KLHL5: variants seen among roughly 807,000 people sequenced by gnomAD.
The protein encoded by KLHL5 is kelch like family member 5.
A neutral mutation model predicts 77.7 loss-of-function variants in KLHL5; 48 were observed. That is an observed-to-expected ratio of 0.62 (90% CI 0.49 to 0.79). The LOEUF (loss-of-function observed/expected upper bound fraction) is 0.79, where lower values mean the gene tolerates loss of function less well. Among genes scored for constraint, KLHL5 ranks in the 30% least tolerant of loss-of-function variants. The pLI, the probability that KLHL5 is intolerant of heterozygous loss-of-function variation, is 0.00. For missense variants in KLHL5, 723 were observed against 859.7 expected (o/e 0.84, Z 1.99); for synonymous variants, 260 against 297.0 (o/e 0.88, Z 1.28).
In KLHL5 at chr4:39,123,556, CAAAT is replaced by C. The variant is rs1723347408; in HGVS notation, c.*2491_*2494del. 6.6e-6 allele frequency among the ~76,000 whole-genome samples: 1 copy of C among 152,076 alleles called. No homozygotes were observed. Among genetic ancestry groups the C allele is most frequent in the African/African-American group, 2.4e-5 (1 of 41,400 alleles). On this transcript the variant is annotated 3_prime_UTR_variant, in exon 11 of 11. Transcript: ENST00000504108. ...AGAAATGCAGGGATGGTTCTACATA[CAAAT>C]GTCAATCGATGTAATAATATACCAT... is the stretch of plus-strand genomic sequence containing the variant.
At chr4:39,075,280 G>A (rs1407317142) in intron 1 of KLHL5, among the ~76,000 whole-genome samples, 2 of 151,204 alleles carry the variant, frequency 1.3e-5, no homozygotes, top group South Asian at 2.1e-4. Context: ...GTGGTGAGAC[G>A]AGATCGCGCC....
intron 1 of KLHL5, among the ~76,000 whole-genome samples, chr4:39,073,292 TATA>T (rs1325618898): frequency 6.6e-6 from 1 of 152,182 alleles, no homozygotes; most frequent in East Asian, 1.9e-4. Context: ...AGAAGTAGCC[TATA>T]ATAACAGTGA....
At chr4:39,068,113 C>A (rs935135874) in intron 1 of KLHL5, among the ~76,000 whole-genome samples, 2 of 152,124 alleles carry the variant, frequency 1.3e-5, no homozygotes, top group African/African-American at 4.8e-5. Flanking sequence ...ATCCTGAAGG[C>A]ATAGGTCCTC....
chr4:39,119,340 A>T (rs1723058420), intron 10 of KLHL5, among the ~76,000 whole-genome samples: 2 of 152,158 alleles, frequency 1.3e-5, no homozygotes, highest in Non-Finnish European at 2.9e-5. Flanking sequence ...TAATCCCGGC[A>T]CTTTGGGAGG....
In KLHL5 at chr4:39,113,185, T is replaced by C. The variant is rs1298357998; in HGVS notation, c.1854T>C (p.Asp618=). ...TGCTGTATGCTATAGGGGGGCACGA[T>C]GCTCCCGCATCCAACTTGACTTCCA... ...NGLLYAIGGH[D]APASNLTSRL... The change falls in exon 9 of 11, where the codon GAT becomes GAC. Residue 618 remains aspartate, a synonymous_variant. Transcript: ENST00000504108. 3 of 1,613,984 alleles carry C rather than the reference T, an allele frequency of 1.9e-6. No homozygotes were observed. Among genetic ancestry groups the C allele is most frequent in the South Asian group, 2.2e-5 (2 of 91,084 alleles).
chr4:39,064,341 A>G (rs953099769), intron 1 of KLHL5, among the ~76,000 whole-genome samples: 1 of 152,078 alleles, frequency 6.6e-6, no homozygotes, highest in Non-Finnish European at 1.5e-5. Context: ...TTTAATTTGG[A>G]GATCAATTGA....
chr4:39,136,730 C>T, the KLHL5 span, among the ~76,000 whole-genome samples: 1 of 152,136 alleles, frequency 6.6e-6, no homozygotes, highest in African/African-American at 2.4e-5. Flanking sequence ...CAGCCCAGCA[C>T]CTGGGGGATT....
chr4:39,093,568 A>C (rs1252885780), intron 5 of KLHL5: 3 of 372,568 alleles, frequency 8.1e-6, no homozygotes, highest in Non-Finnish European at 1.6e-5. Flanking sequence ...ATACACTCTG[A>C]CCAGAAAGGT....
intron 1 of KLHL5, 45 bp downstream of exon 1, chr4:39,063,080 C>A: frequency 7.1e-7 from 1 of 1,406,092 alleles, no homozygotes. Flanking sequence ...GGGGGTATGG[C>A]TCTATAATGT....
chr4:39,062,953 G>A lies in KLHL5; in HGVS notation c.301G>A (p.Gly101Ser). The change falls in exon 1 of 11, where the codon GGC (glycine) becomes AGC (serine). Residue 101 changes from glycine (G) to serine (S), a missense_variant. Transcript: ENST00000504108. ...ATTTGAGTTTACAGCAGAAGATTGT[G>A]GCGGTGCACATTGGCTGGATAGACC... ...PAFEFTAEDCGGAHWLDRPEV... is the reference protein window; with the variant it reads ...PAFEFTAEDCSGAHWLDRPEV... The A allele has an allele frequency of 5.0e-6, 8 of 1,614,144 alleles. No individual in the cohort carries two copies. Among genetic ancestry groups the A allele is most frequent in the Non-Finnish European group, 6.8e-6 (8 of 1,180,014 alleles).
At chr4:39,091,315 A>G (rs911821817) in intron 5 of KLHL5, among the ~76,000 whole-genome samples, 3 of 151,790 alleles carry the variant, frequency 2.0e-5, no homozygotes, top group Admixed American at 2.0e-4. Context: ...TTGTGGAGAA[A>G]GGGTCTCACC....
Position 39,081,367 on chromosome 4 carries a change from G to A in KLHL5, c.703+128G>A, listed in dbSNP as rs1418227416. The stretch of plus-strand genomic sequence containing the variant: ...TCTGCTATTGTCATTACTACCCTTT[G>A]TATTTAACCTGGTGATGAATTAAAA... On this transcript the variant is annotated intron_variant, in intron 3 of 10. Coordinates refer to ENST00000504108, the MANE Select transcript of KLHL5 (RefSeq NM_015990.5). This position sits in a 1 kb window ranked among gnomAD's most constrained non-coding sequence, Gnocchi z 4.3. 1 of 621,172 alleles carries A rather than the reference G, an allele frequency of 1.6e-6. No individual in the cohort carries two copies. The highest frequency in any genetic ancestry group is 1.9e-5 in the African/African-American group (1 of 52,382). 38.5% of individuals were successfully genotyped at this position (621,172 alleles called of 1,614,324 possible).
chr4:39,046,749 T>C (rs1468209131), intron 1 of KLHL5, among the ~76,000 whole-genome samples: 2 of 152,176 alleles, frequency 1.3e-5, no homozygotes, highest in Non-Finnish European at 2.9e-5. Flanking sequence ...GTTGACAATA[T>C]CTTTAAAACG....
In KLHL5 at chr4:39,101,126, T is replaced by TTATATATA. The variant is rs60405643; in HGVS notation, c.1301-2147_1301-2140dup. Among the ~76,000 whole-genome samples the TTATATATA allele has an allele frequency of 2.6e-3, 354 of 134,848 alleles. 3 individuals carry two copies. Among genetic ancestry groups the TTATATATA allele is most frequent in the African/African-American group, 9.3e-3 (334 of 35,914 alleles). The allele number at this position is 134,848 out of a possible 152,430, so 88.5% of individuals were successfully genotyped here. A position where few individuals can be genotyped will look rare whatever the true frequency, so the allele number is the denominator to read the frequency against. On this transcript the variant is annotated intron_variant, in intron 6 of 10. Transcript: ENST00000504108. ...TTTGTTAATTTTGGATATTTGGATT[T>TTATATATA]TATATATATATATATATATATCTAC...
chr4:39,108,678 CT>C (rs147283588), intron 8 of KLHL5, among the ~76,000 whole-genome samples: 2,315 of 152,128 alleles, frequency 0.015, 56 homozygotes, highest in African/African-American at 0.053. Flanking sequence ...AAAGAAATCA[CT>C]TCAAAGTTCA....
At chr4:39,050,375 A>G (rs1716544839) in intron 1 of KLHL5, among the ~76,000 whole-genome samples, 1 of 152,246 alleles carries the variant, frequency 6.6e-6, no homozygotes, top group African/African-American at 2.4e-5. Flanking sequence ...AAGGGCAAGA[A>G]GTACAGCTGG....
chr4:39,057,292 A>G (rs184868041), upstream of KLHL5, among the ~76,000 whole-genome samples: 16 of 152,254 alleles, frequency 1.1e-4, no homozygotes, highest in East Asian at 2.7e-3. Context: ...TTTGTGGTCT[A>G]TTTCCTTATC....
chr4:39,086,514 G>A lies in KLHL5; in HGVS notation c.901-1G>A. 6.2e-7 allele frequency: 1 copy of A among 1,611,326 alleles called. No individual in the cohort carries two copies. Among genetic ancestry groups the A allele is most frequent in the Middle Eastern group, 1.7e-4 (1 of 6,044 alleles). ...GTTTATCTGCTATTTCTTCCCTCTA[G>A]GAGCATTTCATGGAAGTAATCAGAA... On this transcript the variant is annotated splice_acceptor_variant, in intron 4 of 10. Coordinates refer to ENST00000504108, the MANE Select transcript of KLHL5 (RefSeq NM_015990.5). LOFTEE classifies it high-confidence loss of function.
At chr4:39,110,484 G>A (rs1722376194) in intron 8 of KLHL5, among the ~76,000 whole-genome samples, 2 of 151,708 alleles carry the variant, frequency 1.3e-5, no homozygotes, top group Non-Finnish European at 2.9e-5. Context: ...TTTGAGACAG[G>A]GTCTAGCTCT....
Sources: allele counts gnomAD v4.1 joint callset (sites outside exome capture counted in the v4.1 genomes callset), GRCh38; gene constraint gnomAD v4.1.1; non-coding constraint Gnocchi (gnomAD v3.1); transcripts MANE v1.5; gene names NCBI Gene and HGNC (gene_info 2026-07-23, HGNC 2026-07-21).